MDC1: variants seen among roughly 807,000 people sequenced by gnomAD.
MDC1 encodes mediator of DNA damage checkpoint protein 1.
A neutral mutation model predicts 142.5 loss-of-function variants in MDC1; 81 were observed. That is an observed-to-expected ratio of 0.57 (90% CI 0.47 to 0.68). MDC1 has a LOEUF of 0.68. Ranked by LOEUF, MDC1 falls within the 30% of genes least tolerant of loss-of-function variation. The probability of loss-of-function intolerance (pLI) is 0.00; values close to 1 mark genes in which losing one functional copy is unlikely to be tolerated. For synonymous variants in MDC1, 797 were observed against 968.4 expected (o/e 0.82, Z 3.29); for missense variants, 2,119 against 2,547.9 (o/e 0.83, Z 3.62).
In MDC1 at chr6:30,703,106, G is replaced by C. The variant is rs1773056306; in HGVS notation, c.5863C>G (p.Gln1955Glu). The C allele has an allele frequency of 6.2e-7, 1 of 1,612,150 alleles. No individual in the cohort carries two copies. The highest frequency in any genetic ancestry group is 1.3e-5 in the African/African-American group (1 of 74,908). Residue 1955 changes from glutamine (Q) to glutamate (E), a missense_variant and splice_region_variant, in exon 12 of 15, where the codon CAG becomes GAG. Physicochemically the swap from Gln to Glu is conservative, Grantham distance 29. Coordinates refer to ENST00000376406, the MANE Select transcript of MDC1 (RefSeq NM_014641.3). This position sits in a 1 kb window ranked among gnomAD's most constrained non-coding sequence, Gnocchi z 4.4. ...IPILSLDWLH[Q>E]SRKAGFFLPP... ...GTCATCATCCCTTGGCCTCTCACCT[G>C]ATGCAGCCAGTCCAGGGACAGAATG...
rs1198702890 is a variant in MDC1, at chr6:30,712,695, A to C, written c.1247T>G (p.Leu416Trp). The C allele has an allele frequency of 1.9e-6, 3 of 1,613,028 alleles. No individual in the cohort carries two copies. The East Asian group carries it at 6.7e-5, about 36-fold the overall frequency. Residue 416 changes from leucine (L) to tryptophan (W), a missense_variant, in exon 5 of 15, where the codon TTG (leucine) becomes TGG (tryptophan). Leu to Trp is a moderately conservative substitution (Grantham distance 61). Coordinates refer to ENST00000376406, the MANE Select transcript of MDC1 (RefSeq NM_014641.3). The surrounding 1 kb of genome is among the most constrained non-coding windows in gnomAD (Gnocchi z 4.7). ...AGGCTGGCTCTCTTTCAGATGTGCC[A>C]AAGTCAGCGCTGCTGAGACTTCTTC... ...DEEEVSAALT[L>W]AHLKESQPAI...
Position 30,716,831 on chromosome 6 carries a change from C to T in MDC1, c.-4+414G>A. On this transcript the variant is annotated intron_variant, in intron 1 of 14. Coordinates refer to ENST00000376406, the MANE Select transcript of MDC1 (RefSeq NM_014641.3). This position sits in a 1 kb window ranked among gnomAD's most constrained non-coding sequence, Gnocchi z 4.4. ...TCGGGAAGGCTCATCACCGAGCCTA[C>T]TGATGAAGGAACAAATGAGATGGAA... The T allele has an allele frequency of 1.1e-6, 1 of 880,340 alleles. No homozygotes were observed. Among genetic ancestry groups the T allele is most frequent in the Non-Finnish European group, 1.4e-6 (1 of 733,970 alleles). 54.5% of individuals were successfully genotyped at this position (880,340 alleles called of 1,614,324 possible).
Position 30,704,428 on chromosome 6 carries a change from G to A in MDC1, c.4755C>T (p.Asn1585=). The change falls in exon 10 of 15, where the codon AAC becomes AAT. Residue 1585 remains asparagine, a synonymous_variant. Coordinates refer to ENST00000376406, the MANE Select transcript of MDC1 (RefSeq NM_014641.3). ...APELQPSTSR[N]QLVTPEPTSR... is the part of the protein sequence containing the mutation. ...ATGTGGGCTCAGGGGTGACAAGCTG[G>A]TTTCTGGAGGTGGAAGGCTGAAGCT... 2 of 1,612,510 alleles carry A rather than the reference G, an allele frequency of 1.2e-6. No homozygotes were observed. Among genetic ancestry groups the A allele is most frequent in the Non-Finnish European group, 1.7e-6 (2 of 1,179,500 alleles).
intron 9 of MDC1, among the ~76,000 whole-genome samples, chr6:30,706,708 A>G (rs1223435319): frequency 6.8e-6 from 1 of 146,862 alleles, no homozygotes; most frequent in Non-Finnish European, 1.5e-5. Context: ...GAGGGAGGAG[A>G]GTCGCTTGAA....
intron 2 of MDC1, 43 bp downstream of exon 2, chr6:30,714,997 T>A: frequency 6.2e-7 from 1 of 1,601,604 alleles, no homozygotes; most frequent in Non-Finnish European, 8.5e-7. Context: ...ACCACAAAAA[T>A]AAAAGATCTA....
chr6:30,706,448 C>T (rs908582447), intron 9 of MDC1, among the ~76,000 whole-genome samples: 20 of 151,886 alleles, frequency 1.3e-4, no homozygotes, highest in Admixed American at 5.2e-4. Flanking sequence ...GGTGAAACCC[C>T]GTCTCTACTA....
rs1775584582 is a variant in MDC1, at chr6:30,715,846, T to C, written c.-3-668A>G. Among the ~76,000 whole-genome samples the C allele has an allele frequency of 6.6e-6, 1 of 152,208 alleles. No individual in the cohort carries two copies. Among genetic ancestry groups the C allele is most frequent in the South Asian group, 2.1e-4 (1 of 4,830 alleles). ...AAGTAGTATTACTATCTTCCATTTCTTCAGATAAAGAAACTGCAACATAGC... is the reference window on the plus strand; with the variant it reads ...AAGTAGTATTACTATCTTCCATTTCCTCAGATAAAGAAACTGCAACATAGC... On this transcript the variant is annotated intron_variant, in intron 1 of 14. Coordinates refer to ENST00000376406, the MANE Select transcript of MDC1 (RefSeq NM_014641.3). This position sits in a 1 kb window ranked among gnomAD's most constrained non-coding sequence, Gnocchi z 4.1.
chr6:30,711,742 T>C lies in MDC1; in HGVS notation c.2069-16A>G. ...TCTTCAGAATCTGGTCGGGGAGGAATATAAGACAGTTTAAAACAAAAATCA... is the reference window on the plus strand; with the variant it reads ...TCTTCAGAATCTGGTCGGGGAGGAACATAAGACAGTTTAAAACAAAAATCA... On this transcript the variant is annotated splice_polypyrimidine_tract_variant and intron_variant, in intron 5 of 14. Coordinates refer to ENST00000376406, the MANE Select transcript of MDC1 (RefSeq NM_014641.3). 1 of 1,607,662 alleles carries C rather than the reference T, an allele frequency of 6.2e-7. No individual in the cohort carries two copies. The highest frequency in any genetic ancestry group is 8.5e-7 in the Non-Finnish European group (1 of 1,177,394).
chr6:30,707,473 C>T lies in MDC1; in HGVS notation c.3014-19G>A, dbSNP rs1774071556. 1 of 1,613,006 alleles carries T rather than the reference C, an allele frequency of 6.2e-7. No homozygotes were observed. Among genetic ancestry groups the T allele is most frequent in the African/African-American group, 1.3e-5 (1 of 74,948 alleles). ...AGGAGGCCTAGACAGAAAGTAAACA[C>T]AAAGGTGGCTGAGTTCCAAGCAGCT... is the stretch of plus-strand genomic sequence containing the variant. On this transcript the variant is annotated intron_variant, in intron 8 of 14. Transcript: ENST00000376406.
In MDC1 at chr6:30,707,715, C is replaced by T; in HGVS notation, c.2864G>A (p.Ser955Asn). 1 of 1,613,090 alleles carries T rather than the reference C, an allele frequency of 6.2e-7. No individual in the cohort carries two copies. The highest frequency in any genetic ancestry group is 1.1e-5 in the South Asian group (1 of 91,084). Residue 955 changes from serine (S) to asparagine (N), a missense_variant, in exon 8 of 15, where the codon AGC becomes AAC. Transcript: ENST00000376406. ...GGAGGCCTGCCCTTTCTGGTCCTGGCTCCCTCCCTCTGGCTCCCCTCTCTG... is the reference window on the plus strand; with the variant it reads ...GGAGGCCTGCCCTTTCTGGTCCTGGTTCCCTCCCTCTGGCTCCCCTCTCTG... ...DTQRGEPEGG[S>N]QDQKGQASSP... is the part of the protein sequence containing the mutation.
rs60594424 is a variant in MDC1, at chr6:30,716,227, C to CTTTCTTTTTT, written c.-4+1017_-4+1018insAAAAAAGAAA. 6.9e-6 allele frequency among the ~76,000 whole-genome samples: 1 copy of CTTTCTTTTTT among 144,382 alleles called. No homozygotes were observed. Among genetic ancestry groups the CTTTCTTTTTT allele is most frequent in the Non-Finnish European group, 1.5e-5 (1 of 65,422 alleles). 94.7% of individuals were successfully genotyped at this position (144,382 alleles called of 152,430 possible). On this transcript the variant is annotated intron_variant, in intron 1 of 14. Transcript: ENST00000376406. The surrounding 1 kb of genome is among the most constrained non-coding windows in gnomAD (Gnocchi z 4.4). ...ATTCAGTTCAAATGTCACTTTCTTT[C>CTTTCTTTTTT]TTTTTTTTTTTTTTGAGATGGAATC...
Position 30,707,379 on chromosome 6 carries a change from C to T in MDC1, c.3084+5G>A. 6.2e-7 allele frequency: 1 copy of T among 1,613,064 alleles called. No homozygotes were observed. Among genetic ancestry groups the T allele is most frequent in the South Asian group, 1.1e-5 (1 of 91,090 alleles). ...GGAATAGGAGGTAGAAAAAGTAGCT[C>T]TCACCCTGGAAACCTTCTCAGCAGC... On this transcript the variant is annotated splice_donor_5th_base_variant and intron_variant, in intron 9 of 14. Transcript: ENST00000376406.
Position 30,703,289 on chromosome 6 carries a change from G to C in MDC1, c.5683-3C>G. On this transcript the variant is annotated splice_region_variant and splice_polypyrimidine_tract_variant and intron_variant, in intron 11 of 14. Coordinates refer to ENST00000376406, the MANE Select transcript of MDC1 (RefSeq NM_014641.3). The surrounding 1 kb of genome is among the most constrained non-coding windows in gnomAD (Gnocchi z 4.4). The stretch of plus-strand genomic sequence containing the variant: ...TCCACCACTCCTGTGAAGAGCACCT[G>C]TGGAAGGGTTGACCTGAGGTGGTTA... 1 of 1,610,762 alleles carries C rather than the reference G, an allele frequency of 6.2e-7. No homozygotes were observed. The highest frequency in any genetic ancestry group is 8.5e-7 in the Non-Finnish European group (1 of 1,178,184).
At position 30,715,299 on chromosome 6, in the gene MDC1, C is replaced by A; in HGVS notation, c.-3-121G>T. On this transcript the variant is annotated intron_variant, in intron 1 of 14. Transcript: ENST00000376406. This position sits in a 1 kb window ranked among gnomAD's most constrained non-coding sequence, Gnocchi z 4.1. ...TTATGAACGTTGATGCTTCTCTTTC[C>A]ACCAATCTTTCTGTTGTTAACCTTC... The A allele has an allele frequency of 9.1e-7, 1 of 1,101,302 alleles. No homozygotes were observed. The allele number at this position is 1,101,302 out of a possible 1,614,324, so 68.2% of individuals were successfully genotyped here. A position where few individuals can be genotyped will look rare whatever the true frequency, so the allele number is the denominator to read the frequency against.
At chr6:30,708,855 CAAAAAAAA>C (rs59939040) in intron 7 of MDC1, among the ~76,000 whole-genome samples, 1 of 55,238 alleles carries the variant, frequency 1.8e-5, no homozygotes, top group Non-Finnish European at 4.0e-5. Flanking sequence ...GACTCTGTCT[CAAAAAAAA>C]AAAAAAAAAA....
chr6:30,703,789 C>A lies in MDC1; in HGVS notation c.5394G>T (p.Arg1798Ser). The A allele has an allele frequency of 6.3e-7, 1 of 1,591,648 alleles. No individual in the cohort carries two copies. The highest frequency in any genetic ancestry group is 8.6e-7 in the Non-Finnish European group (1 of 1,169,554). Reference protein sequence around the residue: ...IQKVEPAGRSRFTPELQPKAS... With the variant: ...IQKVEPAGRSSFTPELQPKAS... ...CCTTAGGCTGGAGCTCCGGGGTGAA[C>A]CTAGATCTACCTGCTGGTTCCACCT... The change falls in exon 10 of 15, where the codon AGG becomes AGT. Residue 1798 changes from arginine (R) to serine (S), a missense_variant. By Grantham distance (110) the Arg-to-Ser change is moderately radical. Transcript: ENST00000376406. The surrounding 1 kb of genome is among the most constrained non-coding windows in gnomAD (Gnocchi z 4.4).
Position 30,714,052 on chromosome 6 carries a change from G to C in MDC1, c.268C>G (p.Arg90Gly). 6.2e-7 allele frequency: 1 copy of C among 1,612,958 alleles called. No homozygotes were observed. Among genetic ancestry groups the C allele is most frequent in the South Asian group, 1.1e-5 (1 of 91,074 alleles). ...GTACCATTAAGGCTCCCACAGTCTC[G>C]GAGGATAGGTGCCTTGTCCCAGGCT... ...ILAWDKAPIL[R>G]DCGSLNGTQI... Residue 90 changes from arginine (R) to glycine (G), a missense_variant, in exon 3 of 15, where the codon CGA (arginine) becomes GGA (glycine). Physicochemically the swap from Arg to Gly is moderately radical, Grantham distance 125 (BLOSUM62 -2). Transcript: ENST00000376406.
chr6:30,705,228 C>T lies in MDC1; in HGVS notation c.3955G>A (p.Val1319Ile). Residue 1319 changes from valine (V) to isoleucine (I), a missense_variant, in exon 10 of 15, where the codon GTC becomes ATC. By Grantham distance (29) the Val-to-Ile change is conservative. Transcript: ENST00000376406. ...GGGACAACTGTTTCAGGGGTCTTGA[C>T]AGAGGACATATTTGTCCTGCTCCTA... is the stretch of plus-strand genomic sequence containing the variant. ...TTRSRTNMSSVKTPETVVPTA... is the reference protein window; with the variant it reads ...TTRSRTNMSSIKTPETVVPTA... 6.2e-7 allele frequency: 1 copy of T among 1,601,062 alleles called. No individual in the cohort carries two copies. Among genetic ancestry groups the T allele is most frequent in the African/African-American group, 1.4e-5 (1 of 73,708 alleles).
At chr6:30,707,232 GAT>G (rs756931001) in intron 9 of MDC1, 150 bp downstream of exon 9, 284 of 766,148 alleles carry the variant, frequency 3.7e-4, no homozygotes, top group Middle Eastern at 7.3e-4. Context: ...GGGTGCCGAG[GAT>G]AAAGGAATAG....
Sources: gnomAD v4.1 joint callset for allele counts (sites outside exome capture counted in the v4.1 genomes callset) on GRCh38, gnomAD v4.1.1 for gene constraint, Gnocchi (gnomAD v3.1) non-coding constraint, MANE v1.5 for transcripts, NCBI Gene and HGNC (gene_info 2026-07-23, HGNC 2026-07-21) for gene names.